The following DLGAP1 variants were observed in gnomAD, a reference collection of about 807,000 sequenced individuals.
The protein encoded by DLGAP1 is disks large-associated protein 1.
In DLGAP1, 11 loss-of-function variants were observed where a neutral mutation model predicts 90.8. The observed-to-expected ratio is 0.12, with a 90% confidence interval of 0.08 to 0.20. The LOEUF is 0.20. DLGAP1 is among the 10% of genes least tolerant of loss of function. The pLI, the probability that DLGAP1 is intolerant of heterozygous loss-of-function variation, is 1.00. For synonymous variants in DLGAP1, 558 were observed against 540.7 expected, an observed-to-expected ratio of 1.03 and a Z score of -0.44; for missense variants, 1,050 against 1,333.8, an observed-to-expected ratio of 0.79 and a Z score of 3.31.
intron 7 of DLGAP1, among the ~76,000 whole-genome samples, chr18:3,601,916 G>A (rs1399444135): frequency 6.6e-6 from 1 of 151,836 alleles, no homozygotes; most frequent in Non-Finnish European, 1.5e-5. Context: ...GGCTGAGGCA[G>A]GCGAATCGCT....
intron 1 of DLGAP1, among the ~76,000 whole-genome samples, chr18:4,299,572 T>G (rs148414051): frequency 4.6e-5 from 7 of 152,320 alleles, no homozygotes; most frequent in African/African-American, 1.7e-4. Flanking sequence ...AGAAATGTCT[T>G]GCTTTTTCAA....
intron 5 of DLGAP1, among the ~76,000 whole-genome samples, chr18:3,764,002 T>C (rs2064097864): frequency 6.6e-6 from 1 of 152,166 alleles, no homozygotes; most frequent in Non-Finnish European, 1.5e-5. Flanking sequence ...ATATCACCTA[T>C]TCTTGCCAGT....
intron 7 of DLGAP1, among the ~76,000 whole-genome samples, chr18:3,617,910 G>A (rs570664401): frequency 2.3e-4 from 35 of 152,086 alleles, no homozygotes; most frequent in Non-Finnish European, 4.3e-4. Context: ...GGTGGCAGGC[G>A]CCTGTAATCC....
At position 4,177,572 on chromosome 18, in the gene DLGAP1, T is replaced by C. The variant is rs761783903; in HGVS notation, c.-266-26285A>G. On this transcript the variant is annotated intron_variant, in intron 1 of 12. Coordinates refer to ENST00000315677, the MANE Select transcript of DLGAP1 (RefSeq NM_004746.4). ...ACAGATAATTTCATCACCTAGGTAATAAGCATAGCACCAATAGATAGTTTT... is the reference window on the plus strand; with the variant it reads ...ACAGATAATTTCATCACCTAGGTAACAAGCATAGCACCAATAGATAGTTTT... 2.0e-5 allele frequency among the ~76,000 whole-genome samples: 3 copies of C among 152,298 alleles called. No individual in the cohort carries two copies. The East Asian group carries it at 5.8e-4, about 29-fold the overall frequency.
At chr18:4,141,783 C>T (rs985668294) in intron 2 of DLGAP1, among the ~76,000 whole-genome samples, 2 of 151,868 alleles carry the variant, frequency 1.3e-5, no homozygotes, top group Non-Finnish European at 2.9e-5. Flanking sequence ...ATGTCAATTG[C>T]ACTTTTCAAC....
chr18:3,818,366 T>G (rs1447066276), intron 4 of DLGAP1, among the ~76,000 whole-genome samples: 17 of 142,274 alleles, frequency 1.2e-4, no homozygotes, highest in African/African-American at 4.2e-4. Flanking sequence ...TTTTTTTTTT[T>G]TTTTTTTTTT....
intron 7 of DLGAP1, among the ~76,000 whole-genome samples, chr18:3,723,051 A>G (rs1346025866): frequency 1.3e-5 from 2 of 152,136 alleles, no homozygotes; most frequent in African/African-American, 4.8e-5. Context: ...AATGGGTTTG[A>G]TGAATTAGAT....
At chr18:4,411,057 T>C (rs1284863370) in intron 1 of DLGAP1, among the ~76,000 whole-genome samples, 1 of 152,216 alleles carries the variant, frequency 6.6e-6, no homozygotes, top group Non-Finnish European at 1.5e-5. Context: ...CTCACGGGTT[T>C]GGCTGAGGCC....
At chr18:3,840,917 C>T (rs2068678857) in intron 4 of DLGAP1, among the ~76,000 whole-genome samples, 1 of 152,210 alleles carries the variant, frequency 6.6e-6, no homozygotes, top group Non-Finnish European at 1.5e-5. Context: ...TTCCAGCTGA[C>T]TGTGTGCGTC....
intron 9 of DLGAP1, among the ~76,000 whole-genome samples, chr18:3,561,442 A>T (rs1164022114): frequency 8.0e-6 from 1 of 125,164 alleles, no homozygotes; most frequent in African/African-American, 3.3e-5. Context: ...TCTCCAAAAA[A>T]AAAAAAAAAA....
chr18:4,372,216 G>A (rs970914894), intron 1 of DLGAP1, among the ~76,000 whole-genome samples: 12 of 152,254 alleles, frequency 7.9e-5, no homozygotes, highest in Middle Eastern at 6.8e-3. Flanking sequence ...GGTATAAAAT[G>A]GCTAAAACCT....
At chr18:3,525,925 C>T (rs1341545534) in intron 10 of DLGAP1, among the ~76,000 whole-genome samples, 1 of 152,190 alleles carries the variant, frequency 6.6e-6, no homozygotes, top group African/African-American at 2.4e-5. Flanking sequence ...TCAAGAAGCA[C>T]ATCCACAAAA....
intron 2 of DLGAP1, among the ~76,000 whole-genome samples, chr18:4,072,909 G>A (rs1166569226): frequency 6.6e-6 from 1 of 152,318 alleles, no homozygotes; most frequent in African/African-American, 2.4e-5. Flanking sequence ...GATAATTTAA[G>A]TAAGTTGCAT....
chr18:3,919,602 A>G lies in DLGAP1; in HGVS notation c.-72-39462T>C, dbSNP rs183724208. On this transcript the variant is annotated intron_variant, in intron 3 of 12. Transcript: ENST00000315677. ...TTCTTGAGTCATGCTATAAACAGGAACTGCCTGAAATGTGCTAGGTATTAA... is the reference window on the plus strand; with the variant it reads ...TTCTTGAGTCATGCTATAAACAGGAGCTGCCTGAAATGTGCTAGGTATTAA... Among the ~76,000 whole-genome samples the G allele has an allele frequency of 8.5e-5, 13 of 152,356 alleles. No individual in the cohort carries two copies. In the East Asian group the frequency reaches 2.3e-3, roughly 27 times the overall value.
chr18:4,158,663 C>G (rs1286176473), intron 1 of DLGAP1, among the ~76,000 whole-genome samples: 2 of 152,124 alleles, frequency 1.3e-5, no homozygotes, highest in African/African-American at 4.8e-5. Flanking sequence ...ACCAAAGTTC[C>G]TAATTCAAAT....
chr18:4,302,875 G>C (rs1219894139), intron 1 of DLGAP1, among the ~76,000 whole-genome samples: 1 of 152,082 alleles, frequency 6.6e-6, no homozygotes, highest in African/African-American at 2.4e-5. Flanking sequence ...ATTTATTTAT[G>C]TCTTCTTCAA....
At chr18:4,044,046 T>A (rs1480340840) in intron 2 of DLGAP1, among the ~76,000 whole-genome samples, 1 of 152,234 alleles carries the variant, frequency 6.6e-6, no homozygotes, top group Non-Finnish European at 1.5e-5. Context: ...TTTCCTCTAT[T>A]CTGTGTTTGC....
At chr18:3,582,657 T>C (rs1482919870) in intron 7 of DLGAP1, among the ~76,000 whole-genome samples, 1 of 152,046 alleles carries the variant, frequency 6.6e-6, no homozygotes, top group Non-Finnish European at 1.5e-5. Context: ...AGTAACTCAT[T>C]AGAAGAGATT....
intron 4 of DLGAP1, among the ~76,000 whole-genome samples, chr18:3,859,780 G>C (rs1196356160): frequency 6.6e-6 from 1 of 152,110 alleles, no homozygotes; most frequent in Non-Finnish European, 1.5e-5. Flanking sequence ...TTGTGGACTT[G>C]TAACCTGCAG....
Sources: gnomAD v4.1 joint callset for allele counts (sites outside exome capture counted in the v4.1 genomes callset) on GRCh38, gnomAD v4.1.1 for gene constraint, MANE v1.5 for transcripts, NCBI Gene and HGNC (gene_info 2026-07-23, HGNC 2026-07-21) for gene names.